Variants in HEATR1 observed in about 807,000 individuals in gnomAD.
The protein encoded by HEATR1 is HEAT repeat containing 1.
In HEATR1, 77 loss-of-function variants were observed where a neutral mutation model predicts 248.2. That is an observed-to-expected ratio of 0.31 (90% CI 0.26 to 0.37). The LOEUF is 0.37. Among genes scored for constraint, HEATR1 ranks in the 10% least tolerant of loss-of-function variants. The pLI is 1.00. For missense variants in HEATR1, 2,420 were observed against 2,504.9 expected, an observed-to-expected ratio of 0.97 and a Z score of 0.72; for synonymous variants, 897 against 923.1, an observed-to-expected ratio of 0.97 and a Z score of 0.51.
At chr1:236,551,026 GAGTC>G in intron 44 of HEATR1, 36 bp from the exon 45 acceptor site, 3 of 1,484,350 alleles carry the variant, frequency 2.0e-6, no homozygotes, top group South Asian at 1.2e-5. Context: ...ATTAAAATCT[GAGTC>G]AGTCCGCCTG....
chr1:236,595,441 A>C, intron 8 of HEATR1, 99 bp downstream of exon 8: 2 of 994,338 alleles, frequency 2.0e-6, no homozygotes, highest in South Asian at 4.5e-5. Flanking sequence ...ACTGGAAAAC[A>C]GAAATTTTAA....
At chr1:236,559,884 G>A in intron 33 of HEATR1, 47 bp from the exon 34 acceptor site, 2 of 1,550,040 alleles carry the variant, frequency 1.3e-6, no homozygotes, top group Admixed American at 1.9e-5. Flanking sequence ...AAGGCACTCA[G>A]AGAACTTGTT....
chr1:236,586,551 C>A, intron 14 of HEATR1, 99 bp from the exon 15 acceptor site: 1 of 735,356 alleles, frequency 1.4e-6, no homozygotes, highest in Non-Finnish European at 2.3e-6. Context: ...CTGACAATAT[C>A]CTGGTCTCCT....
In HEATR1 at chr1:236,550,935, A is replaced by C; in HGVS notation, c.6402T>G (p.Thr2134=). 6.2e-7 allele frequency: 1 copy of C among 1,609,502 alleles called. No individual in the cohort carries two copies. The highest frequency in any genetic ancestry group is 8.5e-7 in the Non-Finnish European group (1 of 1,178,684). ...QCQKTIQQLE[T]VLGEPLQSYF ...AGCTCTGGAGTGGCTCTCCCAGGAC[A>C]GTTTCCAGTTGCTGAATAGTCTTTT... is the stretch of plus-strand genomic sequence containing the variant. The change falls in exon 45 of 45, where the codon ACT becomes ACG. Residue 2134 remains threonine (T), a synonymous_variant. Coordinates refer to ENST00000366582, the MANE Select transcript of HEATR1 (RefSeq NM_018072.6).
Position 236,555,370 on chromosome 1 carries a change from A to C in HEATR1, c.5849T>G (p.Leu1950Arg). Residue 1950 changes from leucine to arginine, a missense_variant, in exon 41 of 45, where the codon CTT (leucine) becomes CGT (arginine). Physicochemically the swap from Leu to Arg is moderately radical, Grantham distance 102. Transcript: ENST00000366582. Reference sequence around the variant, plus strand: ...TAAGTGGCCGGCAAACAGAGTAAAAAGCCCTTTCAGCTTTTCAGCAATGCA... The same window carrying C: ...TAAGTGGCCGGCAAACAGAGTAAAACGCCCTTTCAGCTTTTCAGCAATGCA... ...ADCIAEKLKGLFTLFAGHLVK... is the reference protein window; with the variant it reads ...ADCIAEKLKGRFTLFAGHLVK... 1.9e-6 allele frequency: 3 copies of C among 1,614,244 alleles called. No homozygotes were observed. Among genetic ancestry groups the C allele is most frequent in the Non-Finnish European group, 1.7e-6 (2 of 1,180,044 alleles).
chr1:236,599,402 G>C, intron 4 of HEATR1, 81 bp downstream of exon 4: 2 of 1,188,220 alleles, frequency 1.7e-6, no homozygotes, highest in Non-Finnish European at 2.4e-6. Context: ...ATCCCCAGGA[G>C]CAATGACTTA....
At chr1:236,586,593 A>G in intron 14 of HEATR1, 141 bp from the exon 15 acceptor site, 1 of 569,266 alleles carries the variant, frequency 1.8e-6, no homozygotes, top group Non-Finnish European at 3.1e-6. Context: ...ACACTAAGAC[A>G]CCACTTAAAA....
At chr1:236,579,436 G>A (rs1300661892) in intron 20 of HEATR1, among the ~76,000 whole-genome samples, 1 of 152,130 alleles carries the variant, frequency 6.6e-6, no homozygotes, top group South Asian at 2.1e-4. Context: ...TACCAAATTG[G>A]AAAACAGAAA....
intron 4 of HEATR1, among the ~76,000 whole-genome samples, chr1:236,598,376 C>T (rs1664230372): frequency 6.6e-6 from 1 of 152,116 alleles, no homozygotes; most frequent in South Asian, 2.1e-4. Context: ...ACAACTTATA[C>T]CACTATTCCC....
intron 29 of HEATR1, among the ~76,000 whole-genome samples, chr1:236,567,763 G>A (rs1375259836): frequency 6.6e-6 from 1 of 152,192 alleles, no homozygotes; most frequent in South Asian, 2.1e-4. Flanking sequence ...GGCAGTAATG[G>A]CACATGCCAA....
At position 236,555,867 on chromosome 1, in the gene HEATR1, G is replaced by A. The variant is rs1662956084; in HGVS notation, c.5587C>T (p.His1863Tyr). Residue 1863 changes from histidine to tyrosine, a missense_variant, in exon 39 of 45, where the codon CAT becomes TAT. His to Tyr is a moderately conservative substitution (Grantham distance 83). Coordinates refer to ENST00000366582, the MANE Select transcript of HEATR1 (RefSeq NM_018072.6). ...AAAAAGGCGGTTAGCTGAGACTGAT[G>A]GGAGGTGAGCTCTTCCTTCTTCATC... ...GVMKKEELTS[H>Y]QSQLTAFFLE... 1 of 1,613,550 alleles carries A rather than the reference G, an allele frequency of 6.2e-7. No homozygotes were observed.
At chr1:236,590,348 C>T (rs964368878) in intron 12 of HEATR1, among the ~76,000 whole-genome samples, 5 of 152,118 alleles carry the variant, frequency 3.3e-5, no homozygotes, top group African/African-American at 1.2e-4. Context: ...CTACCTCAGC[C>T]TCTCAAGTAG....
At chr1:236,570,402 G>A (rs920153426) in intron 28 of HEATR1, among the ~76,000 whole-genome samples, 2 of 152,192 alleles carry the variant, frequency 1.3e-5, no homozygotes, top group African/African-American at 4.8e-5. Flanking sequence ...GGCAGATTGA[G>A]AGAGACAGAA....
intron 17 of HEATR1, among the ~76,000 whole-genome samples, chr1:236,584,513 T>TA (rs960669827): frequency 5.3e-5 from 8 of 151,298 alleles, no homozygotes; most frequent in Admixed American, 6.6e-5. Context: ...TAGCAGATAT[T>TA]AAAAAAAAAG....
At position 236,550,211 on chromosome 1, in the gene HEATR1, T is replaced by G. The variant is rs1662662346; in HGVS notation, c.*691A>C. Reference sequence around the variant, plus strand: ...CATTCTGAATCCTGGAGGAGCTTCCTCGTGCCACCCAGTGTTTCTGGGCCC... The same window carrying G: ...CATTCTGAATCCTGGAGGAGCTTCCGCGTGCCACCCAGTGTTTCTGGGCCC... On this transcript the variant is annotated 3_prime_UTR_variant, in exon 45 of 45. Transcript: ENST00000366582. 6.6e-6 allele frequency: 1 copy of G among 152,228 alleles called. No homozygotes were observed. Among genetic ancestry groups the G allele is most frequent in the Non-Finnish European group, 1.5e-5 (1 of 68,046 alleles). The allele number at this position is 152,228 out of a possible 1,614,324, so 9.4% of individuals were successfully genotyped here. A position where few individuals can be genotyped will look rare whatever the true frequency, so the allele number is the denominator to read the frequency against.
In HEATR1 at chr1:236,566,798, C is replaced by T. The variant is rs1319849547; in HGVS notation, c.4156G>A (p.Ala1386Thr). Residue 1386 changes from alanine to threonine, a missense_variant, in exon 30 of 45, where the codon GCG becomes ACG. By Grantham distance (58) the Ala-to-Thr change is moderately conservative (BLOSUM62 0). Coordinates refer to ENST00000366582, the MANE Select transcript of HEATR1 (RefSeq NM_018072.6). ...CTGTGCTCCGGGACGTGTGGCAGCG[C>T]ATCCACAAATACACTAATGATTTTT... ...VVKIISVFVD[A>T]LPHVPEHRRL... is the part of the protein sequence containing the mutation. 6.2e-7 allele frequency: 1 copy of T among 1,614,036 alleles called. No homozygotes were observed. The highest frequency in any genetic ancestry group is 8.5e-7 in the Non-Finnish European group (1 of 1,180,050).
At position 236,555,523 on chromosome 1, in the gene HEATR1, A is replaced by G. The variant is rs762954841; in HGVS notation, c.5754+28T>C. 16 of 1,613,960 alleles carry G rather than the reference A, an allele frequency of 9.9e-6. 1 individual carries two copies. The Admixed American group carries it at 2.5e-4, about 25-fold the overall frequency. ...ATCTTGTCACTTAAATCTGAGCACA[A>G]AAGAGAGGAAGAGGAAGAAAGCGTC... is the stretch of plus-strand genomic sequence containing the variant. On this transcript the variant is annotated intron_variant, in intron 40 of 44. Transcript: ENST00000366582.
intron 11 of HEATR1, among the ~76,000 whole-genome samples, chr1:236,591,252 C>T (rs758462230): frequency 5.9e-5 from 9 of 152,046 alleles, no homozygotes; most frequent in Non-Finnish European, 8.8e-5. Flanking sequence ...TCTGATAAAT[C>T]ACCTAAGATA....
At chr1:236,591,280 C>T (rs150855048) in intron 11 of HEATR1, among the ~76,000 whole-genome samples, 1 of 152,204 alleles carries the variant, frequency 6.6e-6, no homozygotes, top group East Asian at 1.9e-4. Flanking sequence ...GTTTTAGCAC[C>T]TTCCAGAAGA....
Sources: allele counts gnomAD v4.1 joint callset (sites outside exome capture counted in the v4.1 genomes callset), GRCh38; gene constraint gnomAD v4.1.1; transcripts MANE v1.5; gene names NCBI Gene and HGNC (gene_info 2026-07-23, HGNC 2026-07-21).